CACNA2D3: variants seen among roughly 807,000 people sequenced by gnomAD.
CACNA2D3 encodes the protein voltage-dependent calcium channel subunit alpha-2/delta-3.
A neutral mutation model predicts 160.6 loss-of-function variants in CACNA2D3; 60 were observed. The observed-to-expected ratio is 0.37, with a 90% CI of 0.30 to 0.46. The LOEUF is 0.46. CACNA2D3 is among the 20% of genes least tolerant of loss of function. CACNA2D3 has a pLI of 1.00. For missense variants in CACNA2D3, 1,205 were observed against 1,365.0 expected (o/e 0.88, Z 1.85); for synonymous variants, 558 against 492.9 (o/e 1.13, Z -1.75).
At chr3:54,735,523 G>C (rs564286838) in intron 11 of CACNA2D3, among the ~76,000 whole-genome samples, 18 of 152,214 alleles carry the variant, frequency 1.2e-4, no homozygotes, top group Admixed American at 1.2e-3. Flanking sequence ...CATTGCTGTT[G>C]GTCTAATCCA....
chr3:54,124,239 AATTG>A (rs1436938642), intron 2 of CACNA2D3, among the ~76,000 whole-genome samples: 1 of 152,154 alleles, frequency 6.6e-6, no homozygotes, highest in Non-Finnish European at 1.5e-5. Flanking sequence ...GAGAATGGAG[AATTG>A]ATTATTAGGT....
chr3:54,528,363 T>C (rs936010984), intron 5 of CACNA2D3, among the ~76,000 whole-genome samples: 2 of 152,140 alleles, frequency 1.3e-5, no homozygotes, highest in African/African-American at 2.4e-5. Flanking sequence ...ATATCAAATA[T>C]AGCAATATGT....
chr3:54,299,597 C>T (rs1016766561), intron 2 of CACNA2D3, among the ~76,000 whole-genome samples: 5 of 152,088 alleles, frequency 3.3e-5, no homozygotes, highest in Admixed American at 2.6e-4. Flanking sequence ...ATTCAATTAA[C>T]GAGAGAGCCC....
intron 5 of CACNA2D3, among the ~76,000 whole-genome samples, chr3:54,533,563 G>A (rs996846029): frequency 2.6e-5 from 4 of 152,170 alleles, no homozygotes; most frequent in African/African-American, 9.6e-5. Flanking sequence ...TCGAACTCCT[G>A]ACCTCAGGTG....
At chr3:54,787,591 A>AGGCC (rs1559581794) in intron 13 of CACNA2D3, among the ~76,000 whole-genome samples, 2 of 152,192 alleles carry the variant, frequency 1.3e-5, no homozygotes, top group African/African-American at 4.8e-5. Context: ...AACTTTAAAA[A>AGGCC]TTAGTTAGGC....
intron 4 of CACNA2D3, among the ~76,000 whole-genome samples, chr3:54,465,106 G>C (rs1559489070): frequency 6.6e-6 from 1 of 150,670 alleles, no homozygotes; most frequent in African/African-American, 2.4e-5. Flanking sequence ...TTCACATTCA[G>C]ACATTGTTTT....
intron 13 of CACNA2D3, 147 bp from the exon 14 acceptor site, chr3:54,816,706 A>G (rs1283178661): frequency 3.5e-5 from 29 of 817,226 alleles, no homozygotes; most frequent in Non-Finnish European, 4.8e-5. Context: ...TTCATTTTGA[A>G]AAATAACTTG....
intron 2 of CACNA2D3, among the ~76,000 whole-genome samples, chr3:54,159,384 A>G (rs893914432): frequency 6.6e-6 from 1 of 152,084 alleles, no homozygotes; most frequent in African/African-American, 2.4e-5. Context: ...TATGTTTTAC[A>G]TGGTATTATT....
chr3:54,349,295 A>T (rs1490024684), intron 3 of CACNA2D3, among the ~76,000 whole-genome samples: 1 of 152,152 alleles, frequency 6.6e-6, no homozygotes, highest in Non-Finnish European at 1.5e-5. Context: ...GAGACTGTGG[A>T]TTGCATGCAT....
chr3:54,159,429 A>G (rs970776173), intron 2 of CACNA2D3, among the ~76,000 whole-genome samples: 1 of 152,248 alleles, frequency 6.6e-6, no homozygotes, highest in African/African-American at 2.4e-5. Context: ...TAACTGTATA[A>G]TAAGTGATGC....
chr3:54,426,910 T>C (rs1699918975), intron 4 of CACNA2D3, among the ~76,000 whole-genome samples: 1 of 152,220 alleles, frequency 6.6e-6, no homozygotes, highest in South Asian at 2.1e-4. Context: ...AAAGATAATA[T>C]GCTGTTAATG....
At chr3:54,268,512 C>T (rs537176349) in intron 2 of CACNA2D3, among the ~76,000 whole-genome samples, 2 of 152,258 alleles carry the variant, frequency 1.3e-5, no homozygotes, top group South Asian at 2.1e-4. Flanking sequence ...TGGGTTCAAG[C>T]GATTCTCCTG....
At chr3:54,280,693 C>T (rs555840472) in intron 2 of CACNA2D3, among the ~76,000 whole-genome samples, 1 of 152,246 alleles carries the variant, frequency 6.6e-6, no homozygotes, top group Non-Finnish European at 1.5e-5. Context: ...CAACCCTTCC[C>T]GACTCTGTTC....
intron 2 of CACNA2D3, among the ~76,000 whole-genome samples, chr3:54,132,784 C>T (rs368889579): frequency 8.7e-4 from 133 of 152,166 alleles, no homozygotes; most frequent in African/African-American, 3.0e-3. Context: ...ATCTGAGTGA[C>T]GACAATCTGG....
rs1702140434 is a variant in CACNA2D3 at position 54,763,747 on chromosome 3, G to GTGTATATATGTA, written c.1247-471_1247-470insTGTATATATGTA. ...TATACATATATATGTGTATATATGT[G>GTGTATATATGTA]CATATATATACACATATATATGTAT... On this transcript the variant is annotated intron_variant, in intron 12 of 37. Transcript: ENST00000474759. 9.5e-5 allele frequency among the ~76,000 whole-genome samples: 3 copies of GTGTATATATGTA among 31,726 alleles called. 1 individual carries two copies. Among genetic ancestry groups the GTGTATATATGTA allele is most frequent in the Non-Finnish European group, 2.3e-4 (3 of 12,768 alleles). The allele number at this position is 31,726 out of a possible 152,430, so 20.8% of individuals were successfully genotyped here.
intron 4 of CACNA2D3, among the ~76,000 whole-genome samples, chr3:54,460,494 C>T (rs1378021923): frequency 6.6e-6 from 1 of 152,090 alleles, no homozygotes. Context: ...CCTTCACATC[C>T]CTTCTAAGTT....
chr3:54,134,712 G>C (rs531628107), intron 2 of CACNA2D3, among the ~76,000 whole-genome samples: 6 of 152,376 alleles, frequency 3.9e-5, no homozygotes, highest in African/African-American at 1.4e-4. Context: ...AGCAGGGACT[G>C]CCAGACAGCA....
chr3:54,522,907 CATTTATTT>C (rs36129743), intron 5 of CACNA2D3, among the ~76,000 whole-genome samples: 15,647 of 145,990 alleles, frequency 0.11, 1,153 homozygotes, highest in South Asian at 0.2. Context: ...ACCAAAGCAC[CATTTATTT>C]ATTTATTTAT....
intron 13 of CACNA2D3, among the ~76,000 whole-genome samples, chr3:54,801,599 G>A (rs1336281054): frequency 4.6e-5 from 7 of 152,136 alleles, no homozygotes; most frequent in Non-Finnish European, 1.0e-4. Flanking sequence ...GATTTAACAT[G>A]AAGTTAATTG....
Sources: allele counts gnomAD v4.1 joint callset (sites outside exome capture counted in the v4.1 genomes callset), GRCh38; gene constraint gnomAD v4.1.1; transcripts MANE v1.5; gene names NCBI Gene and HGNC (gene_info 2026-07-23, HGNC 2026-07-21).